The following CACNA1H variants were observed in gnomAD, a reference collection of about 807,000 sequenced individuals.
CACNA1H encodes voltage-dependent T-type calcium channel subunit alpha-1H.
In CACNA1H, 149 loss-of-function variants were observed where a neutral mutation model predicts 192.5. The ratio of observed to expected loss-of-function variants is 0.77; its 90% CI spans 0.68 to 0.89. The LOEUF (loss-of-function observed/expected upper bound fraction) is 0.89, where lower values mean the gene tolerates loss of function less well. Among genes scored for constraint, CACNA1H ranks in the 40% least tolerant of loss-of-function variants. The pLI is 0.00. For synonymous variants in CACNA1H, 2,202 were observed against 1,475.2 expected, an observed-to-expected ratio of 1.49 and a Z score of -11.29; for missense variants, 4,257 against 3,423.5, an observed-to-expected ratio of 1.24 and a Z score of -6.08.
chr16:1,206,447 C>T lies in CACNA1H; in HGVS notation c.2789+158C>T, dbSNP rs149770435. The T allele has an allele frequency of 9.7e-5, 65 of 669,794 alleles. No individual in the cohort carries two copies. In the East Asian group the frequency reaches 1.8e-3, roughly 18 times the overall value. 41.5% of individuals were successfully genotyped at this position (669,794 alleles called of 1,614,324 possible). ...CTCTGCTGCCTTCATTTGAGAAGCA[C>T]TGATTGGGCCCCTACTGTGTGCCAC... is the stretch of plus-strand genomic sequence containing the variant. On this transcript the variant is annotated intron_variant, in intron 12 of 34. Transcript: ENST00000348261.
At chr16:1,196,587 G>A (rs543758406) in intron 5 of CACNA1H, among the ~76,000 whole-genome samples, 1 of 152,212 alleles carries the variant, frequency 6.6e-6, no homozygotes, top group East Asian at 1.9e-4. Context: ...GCTGGCCAGG[G>A]CTGGGCCTCC....
At position 1,159,081 on chromosome 16, in the gene CACNA1H, C is replaced by T. The variant is rs1962840840; in HGVS notation, c.299+5045C>T. On this transcript the variant is annotated intron_variant, in intron 2 of 34. Coordinates refer to ENST00000348261, the MANE Select transcript of CACNA1H (RefSeq NM_021098.3). ...TCAGGGTGGAGGGAGTCCCTGAGCA[C>T]AGCCTTCAGGCCCTGATGGGGGGAC... 2.0e-5 allele frequency among the ~76,000 whole-genome samples: 3 copies of T among 152,244 alleles called. 1 individual carries two copies. The South Asian group carries it at 6.2e-4, about 31-fold the overall frequency.
At position 1,218,522 on chromosome 16, in the gene CACNA1H, T is replaced by C. The variant is rs1416391416; in HGVS notation, c.5758T>C (p.Ser1920Pro). The change falls in exon 33 of 35, where the codon TCC becomes CCC. Residue 1920 changes from serine (S) to proline (P), a missense_variant. Physicochemically the swap from Ser to Pro is moderately conservative, Grantham distance 74. Coordinates refer to ENST00000348261, the MANE Select transcript of CACNA1H (RefSeq NM_021098.3). Reference protein sequence around the residue: ...DAPNLVARKVSVSRMLSLPND... With the variant: ...DAPNLVARKVPVSRMLSLPND... Reference sequence around the variant, plus strand: ...CCCAAACCTGGTTGCACGCAAGGTGTCCGTGTCCAGGATGCTCTCGCTGCC... The same window carrying C: ...CCCAAACCTGGTTGCACGCAAGGTGCCCGTGTCCAGGATGCTCTCGCTGCC... The C allele has an allele frequency of 6.4e-7, 1 of 1,554,570 alleles. No individual in the cohort carries two copies. Among genetic ancestry groups the C allele is most frequent in the South Asian group, 1.2e-5 (1 of 84,290 alleles).
rs61382101 is a variant in CACNA1H at position 1,215,025 on chromosome 16, C to T, written c.4983C>T (p.Val1661=). ...ACTACGTCTTCACCATCGTGTTTGT[C>T]TTCGAGGCTGCACTGAAGCTGGTAG... The part of the protein sequence containing the change: ...YCNYVFTIVF[V]FEAALKLVAF... The change falls in exon 28 of 35, where the codon GTC becomes GTT. Residue 1661 remains valine (V), a synonymous_variant. Coordinates refer to ENST00000348261, the MANE Select transcript of CACNA1H (RefSeq NM_021098.3). The T allele has an allele frequency of 1.2e-5, 19 of 1,613,028 alleles. No homozygotes were observed. Among genetic ancestry groups the T allele is most frequent in the South Asian group, 1.1e-4 (10 of 90,896 alleles).
intron 6 of CACNA1H, 122 bp downstream of exon 6, chr16:1,198,896 C>T (rs898164452): frequency 2.3e-6 from 2 of 862,022 alleles, no homozygotes; most frequent in Non-Finnish European, 3.6e-6. Context: ...CCCGCCCCGC[C>T]ACTGCTGTCC....
chr16:1,221,203 G>C lies in CACNA1H; in HGVS notation c.*209G>C. 2 of 519,728 alleles carry C rather than the reference G, an allele frequency of 3.8e-6. No individual in the cohort carries two copies. The highest frequency in any genetic ancestry group is 3.0e-5 in the East Asian group (1 of 33,446). 32.2% of individuals were successfully genotyped at this position (519,728 alleles called of 1,614,324 possible). On this transcript the variant is annotated 3_prime_UTR_variant, in exon 35 of 35. Transcript: ENST00000348261. The stretch of plus-strand genomic sequence containing the variant: ...CACGAGCCTCCGTCCGTTCTGGTTC[G>C]GGTTTCTCCGAGTTTTGCTACCAGC...
intron 1 of CACNA1H, 44 bp from the exon 2 acceptor site, chr16:1,153,676 G>T (rs1961882345): frequency 1.8e-6 from 2 of 1,132,010 alleles, no homozygotes; most frequent in Non-Finnish European, 2.2e-6. Context: ...GAGGCAGGGC[G>T]GGGGCGTCGC....
In CACNA1H at chr16:1,199,894, T is replaced by C. The variant is rs1376726383; in HGVS notation, c.804-362T>C. Among the ~76,000 whole-genome samples, 3 of 152,234 alleles carry C rather than the reference T, an allele frequency of 2.0e-5. No homozygotes were observed. In the East Asian group the frequency reaches 5.8e-4, roughly 29 times the overall value. On this transcript the variant is annotated intron_variant, in intron 6 of 34. Transcript: ENST00000348261. ...TCCAGGAGTTGCTGAGGTCTGAGCC[T>C]GGGTTTCTGGCTCTTGGGTCTCCCT...
At position 1,220,618 on chromosome 16, in the gene CACNA1H, G is replaced by A; in HGVS notation, c.6686G>A (p.Arg2229Lys). 1 of 1,581,934 alleles carries A rather than the reference G, an allele frequency of 6.3e-7. No individual in the cohort carries two copies. The highest frequency in any genetic ancestry group is 8.6e-7 in the Non-Finnish European group (1 of 1,167,482). Residue 2229 changes from arginine to lysine, a missense_variant, in exon 35 of 35, where the codon AGG becomes AAG. Physicochemically the swap from Arg to Lys is conservative, Grantham distance 26. Coordinates refer to ENST00000348261, the MANE Select transcript of CACNA1H (RefSeq NM_021098.3). Reference sequence around the variant, plus strand: ...CCGTCCTGTGAGGCCACGCCTCACAGGGACTCCCTGGAGCCCACAGAGGGC... The same window carrying A: ...CCGTCCTGTGAGGCCACGCCTCACAAGGACTCCCTGGAGCCCACAGAGGGC... Reference protein sequence around the residue: ...RTPSCEATPHRDSLEPTEGSG... With the variant: ...RTPSCEATPHKDSLEPTEGSG...
At chr16:1,155,165 A>G (rs770696901) in intron 2 of CACNA1H, among the ~76,000 whole-genome samples, 1 of 152,258 alleles carries the variant, frequency 6.6e-6, no homozygotes, top group African/African-American at 2.4e-5. Flanking sequence ...CTCCTTTCTC[A>G]AATCCAAACA....
chr16:1,153,610 A>G (rs1961869589), intron 1 of CACNA1H, 110 bp from the exon 2 acceptor site: 1 of 624,136 alleles, frequency 1.6e-6, no homozygotes, highest in Admixed American at 5.0e-5. Flanking sequence ...GTCTCTAATA[A>G]GAAAAGACAA....
At chr16:1,157,789 C>G (rs1962625306) in intron 2 of CACNA1H, 3 of 152,502 alleles carry the variant, frequency 2.0e-5, no homozygotes, top group Admixed American at 1.3e-4. Context: ...GGCCTGAACT[C>G]CAAGCTGGGG....
Position 1,167,925 on chromosome 16 carries a change from G to C in CACNA1H, c.299+13889G>C, listed in dbSNP as rs756430160. On this transcript the variant is annotated intron_variant, in intron 2 of 34. Coordinates refer to ENST00000348261, the MANE Select transcript of CACNA1H (RefSeq NM_021098.3). The surrounding 1 kb of genome is among the most constrained non-coding windows in gnomAD (Gnocchi z 4.2). ...CTCGCCCCACCAGTGCGTGGAGCACGTGGGGCCTCAGGAGCCAGGCCTGTT... is the reference window on the plus strand; with the variant it reads ...CTCGCCCCACCAGTGCGTGGAGCACCTGGGGCCTCAGGAGCCAGGCCTGTT... 2.3e-4 allele frequency among the ~76,000 whole-genome samples: 35 copies of C among 152,198 alleles called. No individual in the cohort carries two copies. The highest frequency in any genetic ancestry group is 1.2e-3 in the Admixed American group (18 of 15,292).
rs568431913 is a variant in CACNA1H, at chr16:1,186,807, C to T, written c.300-8165C>T. The stretch of plus-strand genomic sequence containing the variant: ...CTAGCTCTTCTGTATACAAGCAGTG[C>T]GCCCTGGTTCTCAGGGCCGTGACCA... On this transcript the variant is annotated intron_variant, in intron 2 of 34. Coordinates refer to ENST00000348261, the MANE Select transcript of CACNA1H (RefSeq NM_021098.3). Among the ~76,000 whole-genome samples, 57 of 152,302 alleles carry T rather than the reference C, an allele frequency of 3.7e-4. 2 individuals are homozygous for T. Among genetic ancestry groups the T allele is most frequent in the Admixed American group, 2.4e-3 (37 of 15,304 alleles).
In CACNA1H at chr16:1,210,969, G is replaced by A. The variant is rs61910714; in HGVS notation, c.4221G>A (p.Leu1407=). Residue 1407 remains leucine, a splice_region_variant and synonymous_variant, in exon 21 of 35, where the codon CTG becomes CTA. Transcript: ENST00000348261. ...GTCTGCTGCGGACCCTGCGGCCTCT[G>A]AGGTGGGGGGCTCCCCGTGGGCTCC... The part of the protein sequence containing the change: ...VLRLLRTLRP[L]RVISRAPGLK... 161,431 of 1,593,976 alleles carry A rather than the reference G, an allele frequency of 0.1. 9,094 individuals carry two copies. Among genetic ancestry groups the A allele is most frequent in the Middle Eastern group, 0.18 (830 of 4,728 alleles).
At position 1,201,750 on chromosome 16, in the gene CACNA1H, C is replaced by G. The variant is rs185769412; in HGVS notation, c.1300C>G (p.Arg434Gly). Residue 434 changes from arginine to glycine, a missense_variant, in exon 9 of 35, where the codon CGG becomes GGG. By Grantham distance (125) the Arg-to-Gly change is moderately radical. Coordinates refer to ENST00000348261, the MANE Select transcript of CACNA1H (RefSeq NM_021098.3). ...GAAGCAGCGGGAGAGTCAGCTGATG[C>G]GGGAGCAGCGGGCACGCCACCTGTC... Reference protein sequence around the residue: ...ETKQRESQLMREQRARHLSND... With the variant: ...ETKQRESQLMGEQRARHLSND... The G allele has an allele frequency of 5.0e-6, 8 of 1,608,508 alleles. No homozygotes were observed. Among genetic ancestry groups the G allele is most frequent in the African/African-American group, 1.3e-5 (1 of 74,862 alleles).
In CACNA1H at chr16:1,202,196, A is replaced by G. The variant is rs1968023721; in HGVS notation, c.1746A>G (p.Ile582Met). Residue 582 changes from isoleucine to methionine, a missense_variant, in exon 9 of 35, where the codon ATA (isoleucine) becomes ATG (methionine). Ile to Met is a conservative substitution (Grantham distance 10). Transcript: ENST00000348261. ...VHSIYHADCH[I>M]EGPQERARVA... ...GCATCTACCATGCCGACTGCCACATAGAGGGGCCGCAGGAGAGGGCCCGGG... is the reference window on the plus strand; with the variant it reads ...GCATCTACCATGCCGACTGCCACATGGAGGGGCCGCAGGAGAGGGCCCGGG... The G allele has an allele frequency of 1.3e-6, 2 of 1,553,032 alleles. No individual in the cohort carries two copies. The highest frequency in any genetic ancestry group is 1.2e-5 in the South Asian group (1 of 84,292).
At chr16:1,206,754 CTCTG>C (rs1277433385) in intron 12 of CACNA1H, 4 of 507,684 alleles carry the variant, frequency 7.9e-6, no homozygotes, top group Admixed American at 3.4e-5. Context: ...AGTGGCTTCC[CTCTG>C]TCTGTCCCGC....
intron 24 of CACNA1H, 24 bp downstream of exon 24, chr16:1,211,829 G>T (rs770199679): frequency 2.5e-6 from 4 of 1,611,344 alleles, no homozygotes; most frequent in Non-Finnish European, 3.4e-6. Context: ...GGTCGAGCTG[G>T]GTCACCTCAG....
Sources: gnomAD v4.1 joint callset for allele counts (sites outside exome capture counted in the v4.1 genomes callset) on GRCh38, gnomAD v4.1.1 for gene constraint, Gnocchi (gnomAD v3.1) non-coding constraint, MANE v1.5 for transcripts, NCBI Gene and HGNC (gene_info 2026-07-23, HGNC 2026-07-21) for gene names.